The following ZFYVE19 variants were observed in gnomAD, a reference collection of about 807,000 sequenced individuals.
ZFYVE19 encodes the protein zinc finger FYVE-type containing 19, also known as abscission/NoCut checkpoint regulator.
In ZFYVE19, 49 loss-of-function variants were observed where a neutral mutation model predicts 62.8. The ratio of observed to expected loss-of-function variants is 0.78; its 90% CI spans 0.62 to 0.99. The LOEUF (loss-of-function observed/expected upper bound fraction) is 0.99, where lower values mean the gene tolerates loss of function less well. Among genes scored for constraint, ZFYVE19 ranks in the 50% least tolerant of loss-of-function variants. ZFYVE19 has a pLI of 0.00. For synonymous variants in ZFYVE19, 242 were observed against 234.3 expected (o/e 1.03, Z -0.30); for missense variants, 630 against 601.9 (o/e 1.05, Z -0.49).
chr15:40,808,102 C>G, intron 1 of ZFYVE19: 1 of 706,504 alleles, frequency 1.4e-6, no homozygotes, highest in Non-Finnish European at 2.0e-6. Flanking sequence ...AACTGTAAAG[C>G]GCGCTGCCGT....
rs1890369515 is a variant in ZFYVE19, at chr15:40,808,752, C to A, written c.280-367C>A. On this transcript the variant is annotated intron_variant, in intron 1 of 10. Transcript: ENST00000355341. Reference sequence around the variant, plus strand: ...GCCCATCCTGAGCCAAGCCTCCCTCCATCTCTGCAAGAGCAGAGGAGGCAT... The same window carrying A: ...GCCCATCCTGAGCCAAGCCTCCCTCAATCTCTGCAAGAGCAGAGGAGGCAT... The A allele has an allele frequency of 9.7e-6, 3 of 307,794 alleles. No individual in the cohort carries two copies. The Admixed American group carries it at 1.4e-4, about 14-fold the overall frequency. 19.1% of individuals were successfully genotyped at this position (307,794 alleles called of 1,614,324 possible).
Position 40,810,128 on chromosome 15 carries a change from G to T in ZFYVE19, c.629G>T (p.Arg210Leu). Residue 210 changes from arginine (R) to leucine (L), a missense_variant, in exon 5 of 11, where the codon CGT becomes CTT. Coordinates refer to ENST00000355341, the MANE Select transcript of ZFYVE19 (RefSeq NM_001077268.2). ...CGGCTGGCTGCCCTAAAGGATGAAC[G>T]TCAGGGTTCCATCCCTTCCACCCAG... ...EARLAALKDERQGSIPSTQEM... is the reference protein window; with the variant it reads ...EARLAALKDELQGSIPSTQEM... 6.2e-7 allele frequency: 1 copy of T among 1,614,092 alleles called. No individual in the cohort carries two copies. Among genetic ancestry groups the T allele is most frequent in the Non-Finnish European group, 8.5e-7 (1 of 1,180,034 alleles).
At position 40,807,407 on chromosome 15, in the gene ZFYVE19, C is replaced by A. The variant is rs760865776; in HGVS notation, c.-183C>A. 34 of 1,614,152 alleles carry A rather than the reference C, an allele frequency of 2.1e-5. No individual in the cohort carries two copies. The highest frequency in any genetic ancestry group is 2.8e-5 in the Non-Finnish European group (33 of 1,180,056). On this transcript the variant is annotated 5_prime_UTR_variant, in exon 1 of 11. Coordinates refer to ENST00000355341, the MANE Select transcript of ZFYVE19 (RefSeq NM_001077268.2). The stretch of plus-strand genomic sequence containing the variant: ...GCCTTCTCCTCAATGCCTAGCAGCG[C>A]GTACAGGTCCATCTGTAAGAGCTCC...
chr15:40,808,988 C>T (rs1409302743), intron 1 of ZFYVE19, 131 bp from the exon 2 acceptor site: 1 of 1,400,800 alleles, frequency 7.1e-7, no homozygotes, highest in Non-Finnish European at 9.8e-7. Flanking sequence ...CTTAGGGGCC[C>T]CACTCCTCTT....
In ZFYVE19 at chr15:40,812,829, G is replaced by A; in HGVS notation, c.957G>A (p.Glu319=). 6.2e-7 allele frequency: 1 copy of A among 1,613,748 alleles called. No homozygotes were observed. The highest frequency in any genetic ancestry group is 8.5e-7 in the Non-Finnish European group (1 of 1,180,030). Residue 319 remains glutamate (E), a synonymous_variant, in exon 7 of 11, where the codon GAG becomes GAA. Transcript: ENST00000355341. ...AGGCAGCACTTGAGTTGCGGGAGGA[G>A]AACACGAGGCAGGAACGGATTCTGG... ...LAEAALELRE[E]NTRQERILAL... is the part of the protein sequence containing the mutation.
intron 1 of ZFYVE19, chr15:40,808,806 T>C (rs1438540398): frequency 3.0e-6 from 1 of 335,808 alleles, no homozygotes. Context: ...CTGATTCTCC[T>C]TTGTGGAAGA....
At position 40,813,925 on chromosome 15, in the gene ZFYVE19, C is replaced by A. The variant is rs1890584268; in HGVS notation, c.1210-18C>A. Reference sequence around the variant, plus strand: ...CACTGGGTACCTTACTTCCTCCATTCCTCTCTGATCCCTGAAGGCCCAGGA... The same window carrying A: ...CACTGGGTACCTTACTTCCTCCATTACTCTCTGATCCCTGAAGGCCCAGGA... On this transcript the variant is annotated intron_variant, in intron 9 of 10. Transcript: ENST00000355341. 7 of 1,595,556 alleles carry A rather than the reference C, an allele frequency of 4.4e-6. No homozygotes were observed. The highest frequency in any genetic ancestry group is 5.1e-6 in the Non-Finnish European group (6 of 1,170,022).
At chr15:40,812,585 GAAAGAA>G (rs1365852903) in intron 6 of ZFYVE19, 108 bp from the exon 7 acceptor site, 19,054 of 334,822 alleles carry the variant, frequency 0.057, 884 homozygotes, top group South Asian at 0.086. Flanking sequence ...AAGAAAGAAA[GAAAGAA>G]AAAATTATTA....
intron 1 of ZFYVE19, 71 bp downstream of exon 1, chr15:40,807,939 A>G (rs1049473374): frequency 1.3e-6 from 2 of 1,533,930 alleles, no homozygotes; most frequent in Non-Finnish European, 1.8e-6. Context: ...CTTAACGTCC[A>G]AAGACTTGGT....
At position 40,813,717 on chromosome 15, in the gene ZFYVE19, C is replaced by T; in HGVS notation, c.1115C>T (p.Thr372Ile). Residue 372 changes from threonine to isoleucine, a missense_variant, in exon 9 of 11, where the codon ACT becomes ATT. By Grantham distance (89) the Thr-to-Ile change is moderately conservative (BLOSUM62 -1). Transcript: ENST00000355341. ...TAIQRVLQQL[T>I]EEASLDEASG... ...ACATCTTCACCCTGTCCGCAGCTCA[C>T]TGAAGAAGCTTCCCTGGATGAGGCA... 1 of 1,613,288 alleles carries T rather than the reference C, an allele frequency of 6.2e-7. No homozygotes were observed. The highest frequency in any genetic ancestry group is 8.5e-7 in the Non-Finnish European group (1 of 1,179,690).
chr15:40,808,147 G>C, intron 1 of ZFYVE19: 6 of 1,163,406 alleles, frequency 5.2e-6, no homozygotes, highest in Non-Finnish European at 6.7e-6. Flanking sequence ...TGTCGGCCCA[G>C]TGTAGCATCT....
rs1345897739 is a variant in ZFYVE19, at chr15:40,807,421, T to G, written c.-169T>G. 6.2e-7 allele frequency: 1 copy of G among 1,614,150 alleles called. No individual in the cohort carries two copies. The highest frequency in any genetic ancestry group is 8.5e-7 in the Non-Finnish European group (1 of 1,180,056). ...GCCTAGCAGCGCGTACAGGTCCATC[T>G]GTAAGAGCTCCTTGGTCACTGCCAT... On this transcript the variant is annotated 5_prime_UTR_variant, in exon 1 of 11. Coordinates refer to ENST00000355341, the MANE Select transcript of ZFYVE19 (RefSeq NM_001077268.2).
intron 6 of ZFYVE19, chr15:40,811,059 A>C: frequency 6.1e-6 from 2 of 328,638 alleles, no homozygotes; most frequent in Non-Finnish European, 5.8e-6. Context: ...GTATGGAAAA[A>C]CCTACCTCAC....
In ZFYVE19 at chr15:40,814,658, T is replaced by G. The variant is rs576560315; in HGVS notation, c.*432T>G. 4.0e-5 allele frequency: 8 copies of G among 201,620 alleles called. No individual in the cohort carries two copies. The East Asian group carries it at 1.1e-3, about 27-fold the overall frequency. The allele number at this position is 201,620 out of a possible 1,614,324, so 12.5% of individuals were successfully genotyped here. ...AGGCTGTAAGCACAGTTGTGGGGAA[T>G]GGGGGAAAAGGTTGAGCCATCCTAT... is the stretch of plus-strand genomic sequence containing the variant. On this transcript the variant is annotated 3_prime_UTR_variant, in exon 11 of 11. Coordinates refer to ENST00000355341, the MANE Select transcript of ZFYVE19 (RefSeq NM_001077268.2).
At chr15:40,812,461 G>A (rs916675186) in intron 6 of ZFYVE19, among the ~76,000 whole-genome samples, 3 of 151,074 alleles carry the variant, frequency 2.0e-5, no homozygotes, top group Non-Finnish European at 2.9e-5. Context: ...CAGGAGAATC[G>A]CTTGAATCCA....
rs1040774267 is a variant in ZFYVE19, at chr15:40,807,767, G to C, written c.178G>C (p.Gly60Arg). ...WGEGPRGPGL[G>R]RRDLSSADPA... ...TGAGGGTCCAAGGGGCCCAGGACTT[G>C]GCCGGCGTGATCTCAGCTCTGCAGA... Residue 60 changes from glycine to arginine, a missense_variant, in exon 1 of 11, where the codon GGC becomes CGC. Gly to Arg is a moderately radical substitution (Grantham distance 125). Coordinates refer to ENST00000355341, the MANE Select transcript of ZFYVE19 (RefSeq NM_001077268.2). 2 of 1,584,870 alleles carry C rather than the reference G, an allele frequency of 1.3e-6. No individual in the cohort carries two copies. Among genetic ancestry groups the C allele is most frequent in the Non-Finnish European group, 1.7e-6 (2 of 1,169,746 alleles).
chr15:40,808,463 G>A (rs909509495), intron 1 of ZFYVE19: 3 of 1,527,196 alleles, frequency 2.0e-6, no homozygotes, highest in South Asian at 1.2e-5. Context: ...ACGCAGGAAG[G>A]CAGGACCGTG....
chr15:40,808,522 T>G, intron 1 of ZFYVE19: 1 of 1,254,924 alleles, frequency 8.0e-7, no homozygotes, highest in African/African-American at 1.5e-5. Flanking sequence ...ATCTGAGCTC[T>G]GCTGTCTTAT....
At chr15:40,808,282 A>G in intron 1 of ZFYVE19, 3 of 1,597,464 alleles carry the variant, frequency 1.9e-6, no homozygotes, top group Non-Finnish European at 2.5e-6. Context: ...CGCTGGAGTT[A>G]GATTACCACA....
Sources: gnomAD v4.1 joint callset for allele counts (sites outside exome capture counted in the v4.1 genomes callset) on GRCh38, gnomAD v4.1.1 for gene constraint, MANE v1.5 for transcripts, NCBI Gene and HGNC (gene_info 2026-07-23, HGNC 2026-07-21) for gene names.